Variants in NAALADL2 observed in about 807,000 individuals in gnomAD.
NAALADL2 encodes inactive N-acetylated-alpha-linked acidic dipeptidase-like protein 2.
NAALADL2 carries 76 observed loss-of-function variants against 87.2 expected under a neutral mutation model. The ratio of observed to expected loss-of-function variants is 0.87; its 90% CI spans 0.72 to 1.05. The LOEUF is 1.05. NAALADL2 is among the 50% of genes least tolerant of loss of function. The pLI is 0.00. For missense variants in NAALADL2, 1,089 were observed against 945.8 expected (o/e 1.15, Z -1.99); for synonymous variants, 354 against 331.0 (o/e 1.07, Z -0.75).
chr3:175,195,222 A>G (rs1738797283), intron 2 of NAALADL2, among the ~76,000 whole-genome samples: 2 of 151,826 alleles, frequency 1.3e-5, no homozygotes, highest in African/African-American at 4.8e-5. Context: ...TATTTTGGAG[A>G]ACCTACTGTG....
chr3:175,426,271 G>A (rs564152802), intron 5 of NAALADL2, among the ~76,000 whole-genome samples: 1 of 152,296 alleles, frequency 6.6e-6, no homozygotes, highest in Non-Finnish European at 1.5e-5. Flanking sequence ...GCCGAGGCAG[G>A]AGAATCACTT....
At chr3:175,201,592 CT>C (rs768271672) in intron 2 of NAALADL2, among the ~76,000 whole-genome samples, 17 of 152,122 alleles carry the variant, frequency 1.1e-4, no homozygotes, top group Non-Finnish European at 1.9e-4. Flanking sequence ...GACATTACAT[CT>C]TTGTCGTGTT....
chr3:175,604,698 G>T (rs1035667656), intron 10 of NAALADL2, among the ~76,000 whole-genome samples: 6 of 152,060 alleles, frequency 3.9e-5, no homozygotes, highest in Non-Finnish European at 7.4e-5. Flanking sequence ...TTAGGTACAG[G>T]TTACATATTT....
intron 4 of NAALADL2, among the ~76,000 whole-genome samples, chr3:175,290,762 G>A (rs914320192): frequency 2.6e-5 from 4 of 151,994 alleles, no homozygotes; most frequent in Non-Finnish European, 4.4e-5. Flanking sequence ...ATGAAATGAA[G>A]TATTGCAAAC....
intron 9 of NAALADL2, chr3:175,487,456 G>A (rs186789796): frequency 6.2e-5 from 28 of 452,048 alleles, no homozygotes; most frequent in Non-Finnish European, 9.8e-5. Flanking sequence ...TTCTACAAAT[G>A]AACATAATTT....
chr3:174,624,060 G>T (rs2108675794), intron 2 of NAALADL2, among the ~76,000 whole-genome samples: 1 of 152,112 alleles, frequency 6.6e-6, no homozygotes, highest in East Asian at 1.9e-4. Context: ...AAAACACTTA[G>T]ATGTCTTATT....
chr3:174,851,662 C>T (rs1411563798), intron 3 of NAALADL2, among the ~76,000 whole-genome samples: 1 of 151,990 alleles, frequency 6.6e-6, no homozygotes, highest in African/African-American at 2.4e-5. Flanking sequence ...GACCTAATTG[C>T]TTCACTGGAG....
chr3:174,752,267 C>T (rs531746902), intron 3 of NAALADL2, among the ~76,000 whole-genome samples: 2 of 152,246 alleles, frequency 1.3e-5, no homozygotes, highest in South Asian at 2.1e-4. Context: ...TGAGCCACCG[C>T]GCCCGGCCCA....
At chr3:174,902,825 T>C (rs1268122495) in intron 1 of NAALADL2, among the ~76,000 whole-genome samples, 1 of 152,094 alleles carries the variant, frequency 6.6e-6, no homozygotes, top group Non-Finnish European at 1.5e-5. Flanking sequence ...TTATCTGAGA[T>C]ATAGATGGAG....
At chr3:175,292,541 T>A (rs543635713) in intron 4 of NAALADL2, among the ~76,000 whole-genome samples, 1 of 151,342 alleles carries the variant, frequency 6.6e-6, no homozygotes, top group African/African-American at 2.4e-5. Flanking sequence ...TATTTGTCAG[T>A]GATACATTTA....
intron 10 of NAALADL2, among the ~76,000 whole-genome samples, chr3:175,614,439 T>G (rs981279184): frequency 1.1e-4 from 16 of 152,244 alleles, no homozygotes; most frequent in African/African-American, 3.1e-4. Context: ...AGCTCTAGCT[T>G]AAATTATAAT....
intron 11 of NAALADL2, among the ~76,000 whole-genome samples, chr3:175,711,746 C>A (rs1740555720): frequency 6.6e-6 from 1 of 151,688 alleles, no homozygotes; most frequent in Non-Finnish European, 1.5e-5. Flanking sequence ...CCAAGCTAAA[C>A]CAGAGTAACT....
At position 175,153,941 on chromosome 3, in the gene NAALADL2, C is replaced by T. The variant is rs188503768; in HGVS notation, c.545+56650C>T. Among the ~76,000 whole-genome samples, 6 of 152,232 alleles carry T rather than the reference C, an allele frequency of 3.9e-5. No individual in the cohort carries two copies. In the East Asian group the frequency reaches 1.2e-3, roughly 29 times the overall value. On this transcript the variant is annotated intron_variant, in intron 2 of 13. Transcript: ENST00000454872. ...TATTAACTGATTAAAATTTTAAAAC[C>T]AGTTGTGAAACTGTAAAGCAATTAG...
intron 9 of NAALADL2, among the ~76,000 whole-genome samples, chr3:175,518,657 G>A (rs867629941): frequency 2.0e-5 from 3 of 152,120 alleles, no homozygotes; most frequent in Non-Finnish European, 4.4e-5. Flanking sequence ...GGTCAAACAC[G>A]CTAGTTCAGG....
chr3:174,788,781 C>A (rs1177213714), intron 3 of NAALADL2, among the ~76,000 whole-genome samples: 1 of 151,988 alleles, frequency 6.6e-6, no homozygotes, highest in South Asian at 2.1e-4. Context: ...TGAGGCAAAC[C>A]AAATACAGAG....
At chr3:175,258,167 G>A (rs1054789336) in intron 4 of NAALADL2, among the ~76,000 whole-genome samples, 6 of 151,758 alleles carry the variant, frequency 4.0e-5, no homozygotes, top group African/African-American at 1.2e-4. Context: ...AATTAGCCAG[G>A]CGTGGTGGCG....
chr3:175,706,798 G>A (rs993442386), intron 11 of NAALADL2, among the ~76,000 whole-genome samples: 3 of 152,068 alleles, frequency 2.0e-5, no homozygotes, highest in Admixed American at 2.0e-4. Flanking sequence ...CTTCAATACT[G>A]GTCTGAGCCT....
At chr3:174,495,047 T>C (rs371131911) in intron 1 of NAALADL2, among the ~76,000 whole-genome samples, 27 of 152,174 alleles carry the variant, frequency 1.8e-4, no homozygotes, top group African/African-American at 6.3e-4. Flanking sequence ...GTGAATGTAA[T>C]AGTGTTATTA....
intron 1 of NAALADL2, among the ~76,000 whole-genome samples, chr3:174,464,089 A>G (rs1716377134): frequency 6.6e-6 from 1 of 151,992 alleles, no homozygotes; most frequent in African/African-American, 2.4e-5. Flanking sequence ...ATTCCAGAAA[A>G]CCATCTCATT....
Sources: allele counts gnomAD v4.1 joint callset (sites outside exome capture counted in the v4.1 genomes callset), GRCh38; gene constraint gnomAD v4.1.1; transcripts MANE v1.5; gene names NCBI Gene and HGNC (gene_info 2026-07-23, HGNC 2026-07-21).